The following CFAP43 variants were observed in gnomAD, a reference collection of about 807,000 sequenced individuals.
The protein encoded by CFAP43 is cilia- and flagella-associated protein 43.
In CFAP43, 155 loss-of-function variants were observed where a neutral mutation model predicts 218.9. The ratio of observed to expected loss-of-function variants is 0.71; its 90% CI spans 0.62 to 0.81. The LOEUF (loss-of-function observed/expected upper bound fraction) is 0.81. CFAP43 is among the 30% of genes least tolerant of loss of function. The probability of loss-of-function intolerance (pLI) is 0.00; values close to 1 mark genes in which losing one functional copy is unlikely to be tolerated. For missense variants in CFAP43, 1,778 were observed against 1,954.3 expected, an observed-to-expected ratio of 0.91 and a Z score of 1.70; for synonymous variants, 645 against 681.3, an observed-to-expected ratio of 0.95 and a Z score of 0.83.
intron 34 of CFAP43, among the ~76,000 whole-genome samples, chr10:104,138,462 G>A (rs1460758043): frequency 1.3e-5 from 2 of 151,856 alleles, no homozygotes; most frequent in African/African-American, 4.9e-5. Flanking sequence ...GATCACCTGA[G>A]GTTGGTAGTT....
chr10:104,202,818 GTT>G (rs5787513), intron 8 of CFAP43, among the ~76,000 whole-genome samples: 2 of 141,598 alleles, frequency 1.4e-5, no homozygotes, highest in East Asian at 2.1e-4. Context: ...AGTTAGCATA[GTT>G]TTTTTTTTTT....
intron 2 of CFAP43, among the ~76,000 whole-genome samples, chr10:104,227,725 A>G (rs1472187873): frequency 6.6e-6 from 1 of 151,780 alleles, no homozygotes; most frequent in Non-Finnish European, 1.5e-5. Context: ...GATGTTAATC[A>G]GTTTAAAACA....
At chr10:104,210,498 C>G (rs1180277437) in intron 5 of CFAP43, among the ~76,000 whole-genome samples, 2 of 152,332 alleles carry the variant, frequency 1.3e-5, no homozygotes, top group Non-Finnish European at 2.9e-5. Flanking sequence ...TCCCGAGTAG[C>G]TGGGATTGCA....
In CFAP43 at chr10:104,142,314, T is replaced by C. The variant is rs149857586; in HGVS notation, c.4238A>G (p.Gln1413Arg). Reference protein sequence around the residue: ...KRVEEEEKVQQEIERVFHELI... With the variant: ...KRVEEEEKVQREIERVFHELI... The stretch of plus-strand genomic sequence containing the variant: ...TTCATGGAACACTCTCTCAATCTCC[T>C]GTTGCACCTTCTCTTCCTCCTCAAC... The change falls in exon 33 of 38, where the codon CAG becomes CGG. Residue 1413 changes from glutamine (Q) to arginine (R), a missense_variant. Coordinates refer to ENST00000357060, the MANE Select transcript of CFAP43 (RefSeq NM_025145.7). 3.1e-6 allele frequency: 5 copies of C among 1,613,666 alleles called. No homozygotes were observed. The highest frequency in any genetic ancestry group is 3.3e-5 in the Admixed American group (2 of 59,954).
chr10:104,174,845 G>A (rs1350991477), intron 19 of CFAP43, among the ~76,000 whole-genome samples: 1 of 151,808 alleles, frequency 6.6e-6, no homozygotes, highest in Non-Finnish European at 1.5e-5. Flanking sequence ...CATGAGGTCA[G>A]GAGATTGAGA....
At chr10:104,191,210 C>A (rs954648344) in intron 12 of CFAP43, among the ~76,000 whole-genome samples, 2 of 152,186 alleles carry the variant, frequency 1.3e-5, no homozygotes, top group Non-Finnish European at 2.9e-5. Context: ...ATCTTGAAAC[C>A]ACTGATGATG....
intron 4 of CFAP43, among the ~76,000 whole-genome samples, chr10:104,213,831 G>A (rs984729650): frequency 8.5e-5 from 13 of 152,254 alleles, no homozygotes; most frequent in Non-Finnish European, 1.2e-4. Context: ...CACTGCACTC[G>A]GCCAATCTGC....
intron 30 of CFAP43, among the ~76,000 whole-genome samples, 195 bp downstream of exon 30, chr10:104,146,068 G>A (rs1381927636): frequency 6.6e-6 from 1 of 152,166 alleles, no homozygotes; most frequent in African/African-American, 2.4e-5. Flanking sequence ...TTAAACCAGA[G>A]AAGCTTATAA....
chr10:104,220,120 T>C (rs2091136842), intron 3 of CFAP43, among the ~76,000 whole-genome samples: 1 of 152,092 alleles, frequency 6.6e-6, no homozygotes, highest in Non-Finnish European at 1.5e-5. Context: ...ACAGGGAGAA[T>C]GCCATGTGAA....
In CFAP43 at chr10:104,161,986, A is replaced by G. The variant is rs1483689421; in HGVS notation, c.3389T>C (p.Val1130Ala). The change falls in exon 26 of 38, where the codon GTC becomes GCC. Residue 1130 changes from valine (V) to alanine (A), a missense_variant. Transcript: ENST00000357060. ...CATTCTCAAAATATCTTCCTTCTTG[A>G]CTTCCAGAACTCCTCCCATCATGTC... is the stretch of plus-strand genomic sequence containing the variant. ...LMDMMGGVLE[V>A]KKEDILRMVI... The G allele has an allele frequency of 6.2e-7, 1 of 1,613,608 alleles. No individual in the cohort carries two copies. The highest frequency in any genetic ancestry group is 1.3e-5 in the African/African-American group (1 of 74,876).
chr10:104,226,670 T>C (rs1327836403), intron 2 of CFAP43, among the ~76,000 whole-genome samples: 1 of 152,162 alleles, frequency 6.6e-6, no homozygotes, highest in African/African-American at 2.4e-5. Context: ...TACATACATA[T>C]ATATTTTCTT....
intron 35 of CFAP43, among the ~76,000 whole-genome samples, 185 bp from the exon 36 acceptor site, chr10:104,132,381 G>A (rs1391449889): frequency 6.6e-6 from 1 of 152,156 alleles, no homozygotes; most frequent in Non-Finnish European, 1.5e-5. Context: ...GGAGGCTGAG[G>A]CAGGTGGATC....
chr10:104,188,290 A>C lies in CFAP43; in HGVS notation c.1667T>G (p.Leu556Arg). 1.2e-6 allele frequency: 2 copies of C among 1,614,126 alleles called. No homozygotes were observed. Among genetic ancestry groups the C allele is most frequent in the Non-Finnish European group, 1.7e-6 (2 of 1,179,986 alleles). The stretch of plus-strand genomic sequence containing the variant: ...CTTACCTTGTGGCAGTAATGTAGGC[A>C]GTGTGAACATCTCCAACCTGCTTCT... ...AGRSRLEMFT[L>R]PTLLPQVSTT... Residue 556 changes from leucine to arginine, a missense_variant, in exon 13 of 38, where the codon CTG becomes CGG. Coordinates refer to ENST00000357060, the MANE Select transcript of CFAP43 (RefSeq NM_025145.7).
At chr10:104,186,568 C>T (rs2090037624) in intron 14 of CFAP43, among the ~76,000 whole-genome samples, 1 of 152,190 alleles carries the variant, frequency 6.6e-6, no homozygotes, top group South Asian at 2.1e-4. Context: ...TGCCCTACCT[C>T]CCTATATGAG....
chr10:104,221,376 G>C (rs1416789798), intron 3 of CFAP43, among the ~76,000 whole-genome samples: 2 of 152,194 alleles, frequency 1.3e-5, no homozygotes, highest in Non-Finnish European at 1.5e-5. Context: ...CAATGGTGAT[G>C]GTATTGGGGT....
At position 104,232,314 on chromosome 10, in the gene CFAP43, CCGCCGCCGCGGGGCTGCGGGCCGCGA is replaced by C. The variant is rs2091473788; in HGVS notation, c.-94_-69del. 6.9e-7 allele frequency: 1 copy of C among 1,446,296 alleles called. No individual in the cohort carries two copies. The highest frequency in any genetic ancestry group is 9.1e-7 in the Non-Finnish European group (1 of 1,094,360). 89.6% of individuals were successfully genotyped at this position (1,446,296 alleles called of 1,614,324 possible). On this transcript the variant is annotated 5_prime_UTR_variant, in exon 1 of 38. Transcript: ENST00000357060. ...ACCCCAGGGCGGGTCGGTTACCTTT[CCGCCGCCGCGGGGCTGCGGGCCGCGA>C]CGCCGCTGCTGTGTACACCCGTATC...
chr10:104,212,390 A>G (rs1020870147), intron 4 of CFAP43, among the ~76,000 whole-genome samples: 1 of 152,226 alleles, frequency 6.6e-6, no homozygotes, highest in Non-Finnish European at 1.5e-5. Flanking sequence ...GTTAATATCT[A>G]AAGCAGGAGT....
At position 104,166,693 on chromosome 10, in the gene CFAP43, T is replaced by C; in HGVS notation, c.2834A>G (p.Gln945Arg). ...CTGTTTAATCAACTTAACTCCAGAC[T>C]GAGCCTCTACAATTTCCTTCCGTAG... is the stretch of plus-strand genomic sequence containing the variant. The part of the protein sequence containing the change: ...LKLRKEIVEA[Q>R]SGVKLIKQRH... Residue 945 changes from glutamine to arginine, a missense_variant, in exon 23 of 38, where the codon CAG becomes CGG. Gln to Arg is a conservative substitution (Grantham distance 43). Coordinates refer to ENST00000357060, the MANE Select transcript of CFAP43 (RefSeq NM_025145.7). 6.2e-7 allele frequency: 1 copy of C among 1,611,834 alleles called. No individual in the cohort carries two copies. Among genetic ancestry groups the C allele is most frequent in the African/African-American group, 1.3e-5 (1 of 74,944 alleles).
intron 23 of CFAP43, 69 bp from the exon 24 acceptor site, chr10:104,164,369 T>C (rs1455382320): frequency 2.5e-6 from 3 of 1,220,312 alleles, no homozygotes; most frequent in African/African-American, 1.5e-5. Flanking sequence ...GATCCCACAA[T>C]TATACTTTCC....
Sources: gnomAD v4.1 joint callset for allele counts (sites outside exome capture counted in the v4.1 genomes callset) on GRCh38, gnomAD v4.1.1 for gene constraint, MANE v1.5 for transcripts, NCBI Gene and HGNC (gene_info 2026-07-23, HGNC 2026-07-21) for gene names.